The following PPM1L variants were observed in gnomAD, a reference collection of about 807,000 sequenced individuals.
PPM1L encodes protein phosphatase, Mg2+/Mn2+ dependent 1L.
A neutral mutation model predicts 31.4 loss-of-function variants in PPM1L; 13 were observed. The ratio of observed to expected loss-of-function variants is 0.41; its 90% CI spans 0.27 to 0.66. The LOEUF is 0.66. PPM1L is among the 30% of genes least tolerant of loss of function. The pLI is 0.29. For synonymous variants in PPM1L, 184 were observed against 175.4 expected (o/e 1.05, Z -0.39); for missense variants, 326 against 453.7 (o/e 0.72, Z 2.56).
At chr3:160,795,805 T>G (rs747132705) in intron 1 of PPM1L, among the ~76,000 whole-genome samples, 19 of 152,222 alleles carry the variant, frequency 1.2e-4, no homozygotes, top group Non-Finnish European at 2.4e-4. Flanking sequence ...CTTTTCACTT[T>G]TAGGAAGACT....
intron 2 of PPM1L, among the ~76,000 whole-genome samples, chr3:161,012,516 G>A (rs1717930435): frequency 6.6e-6 from 1 of 151,808 alleles, no homozygotes; most frequent in Non-Finnish European, 1.5e-5. Flanking sequence ...TTGGTATCAG[G>A]ATGATGCTGG....
chr3:160,991,470 T>C (rs1717133039), intron 2 of PPM1L, among the ~76,000 whole-genome samples: 1 of 152,194 alleles, frequency 6.6e-6, no homozygotes, highest in Admixed American at 6.5e-5. Flanking sequence ...GAAAGAAGAC[T>C]CTCAATTACA....
chr3:160,939,268 A>G lies in PPM1L; in HGVS notation c.400-22468A>G, dbSNP rs142523802. On this transcript the variant is annotated intron_variant, in intron 1 of 3. Transcript: ENST00000498165. ...ACATACTCTTCCCTCCAGCTCTATA[A>G]CTCTGCAGCTCTGTAGCCCAATTCT... is the stretch of plus-strand genomic sequence containing the variant. Among the ~76,000 whole-genome samples the G allele has an allele frequency of 9.9e-5, 15 of 151,852 alleles. No individual in the cohort carries two copies. The East Asian group carries it at 2.7e-3, about 27-fold the overall frequency.
intron 1 of PPM1L, among the ~76,000 whole-genome samples, chr3:160,889,022 T>G (rs903823454): frequency 1.3e-5 from 2 of 152,248 alleles, no homozygotes; most frequent in Non-Finnish European, 2.9e-5. Context: ...GGGAAATTTA[T>G]AGCACTAAAT....
At chr3:161,022,900 A>G (rs4679671) in intron 2 of PPM1L, among the ~76,000 whole-genome samples, 85,236 of 151,778 alleles carry the variant, frequency 0.56, 24,954 homozygotes, top group East Asian at 0.92. Flanking sequence ...TCCTGACCTC[A>G]TGATCCGCCT....
In PPM1L at chr3:161,070,794, C is replaced by G. The variant is rs1488387350; in HGVS notation, c.*1637C>G. On this transcript the variant is annotated 3_prime_UTR_variant, in exon 4 of 4. Transcript: ENST00000498165. ...TCCCCTCCTGCTGCTGTAGAGTTTT[C>G]CCAAAGCAGTGTCCAGGAGAGAATT... 1 of 152,150 alleles carries G rather than the reference C, an allele frequency of 6.6e-6. No homozygotes were observed. The highest frequency in any genetic ancestry group is 1.5e-5 in the Non-Finnish European group (1 of 68,054). The allele number at this position is 152,150 out of a possible 1,614,324, so 9.4% of individuals were successfully genotyped here. A position where few individuals can be genotyped will look rare whatever the true frequency, so the allele number is the denominator to read the frequency against.
intron 2 of PPM1L, among the ~76,000 whole-genome samples, chr3:160,976,945 A>C (rs890853911): frequency 3.3e-5 from 5 of 151,984 alleles, no homozygotes; most frequent in African/African-American, 1.2e-4. Flanking sequence ...TTGCTTTTCT[A>C]GTTCTTTTAA....
chr3:160,839,968 T>C (rs573344404), intron 1 of PPM1L, among the ~76,000 whole-genome samples: 18 of 152,306 alleles, frequency 1.2e-4, no homozygotes, highest in Admixed American at 8.5e-4. Context: ...ATACGGTTTA[T>C]AAAAGTCATG....
At chr3:161,011,940 A>G (rs1717908282) in intron 2 of PPM1L, among the ~76,000 whole-genome samples, 1 of 152,206 alleles carries the variant, frequency 6.6e-6, no homozygotes. Flanking sequence ...GGTTTTCTAA[A>G]TATACAATCA....
At chr3:160,757,722 T>C (rs1309803803) in intron 1 of PPM1L, among the ~76,000 whole-genome samples, 1 of 152,254 alleles carries the variant, frequency 6.6e-6, no homozygotes, top group African/African-American at 2.4e-5. Context: ...TGCATACTCT[T>C]TGTTTTCCCT....
intron 2 of PPM1L, among the ~76,000 whole-genome samples, chr3:161,062,136 G>GT (rs1156979926): frequency 1.4e-5 from 2 of 144,346 alleles, no homozygotes; most frequent in African/African-American, 2.6e-5. Context: ...GTCTCTTTTA[G>GT]TGGGGGGGGA....
rs201919574 is a variant in PPM1L at position 160,980,073 on chromosome 3, G to GA, written c.574+18171dup. Among the ~76,000 whole-genome samples, 294 of 151,792 alleles carry GA rather than the reference G, an allele frequency of 1.9e-3. 1 individual carries two copies. The highest frequency in any genetic ancestry group is 6.5e-3 in the African/African-American group (268 of 41,438). ...TTCCAGGGTAGGGCTGGCCTTATTG[G>GA]AAAAAAAATAAAAATTCATCTGAAA... On this transcript the variant is annotated intron_variant, in intron 2 of 3. Transcript: ENST00000498165.
chr3:160,847,518 T>C (rs1714118774), intron 1 of PPM1L, among the ~76,000 whole-genome samples: 1 of 152,194 alleles, frequency 6.6e-6, no homozygotes, highest in Non-Finnish European at 1.5e-5. Flanking sequence ...AATTGTGATC[T>C]CAACTGGTAA....
At chr3:160,887,284 A>G (rs1712948436) in intron 1 of PPM1L, among the ~76,000 whole-genome samples, 1 of 152,136 alleles carries the variant, frequency 6.6e-6, no homozygotes, top group South Asian at 2.1e-4. Flanking sequence ...TGGAAAACAC[A>G]CTTCAGGATA....
At chr3:160,820,516 T>A (rs1713162769) in intron 1 of PPM1L, among the ~76,000 whole-genome samples, 1 of 152,082 alleles carries the variant, frequency 6.6e-6, no homozygotes, top group Non-Finnish European at 1.5e-5. Context: ...GCCCCAGTAG[T>A]AACTCTGCTG....
At chr3:160,932,597 G>GC (rs1379287161) in intron 1 of PPM1L, among the ~76,000 whole-genome samples, 1 of 152,042 alleles carries the variant, frequency 6.6e-6, no homozygotes, top group Non-Finnish European at 1.5e-5. Flanking sequence ...GATTATTATT[G>GC]CCATTTGTCT....
chr3:160,978,994 A>T (rs1219145015), intron 2 of PPM1L, among the ~76,000 whole-genome samples: 1 of 152,066 alleles, frequency 6.6e-6, no homozygotes, highest in South Asian at 2.1e-4. Context: ...TTGAACATGT[A>T]GAATATCGAG....
chr3:160,834,780 G>A (rs888196967), intron 1 of PPM1L, among the ~76,000 whole-genome samples: 7 of 151,938 alleles, frequency 4.6e-5, no homozygotes, highest in Admixed American at 2.0e-4. Flanking sequence ...TTTCATTTCC[G>A]TGTAGTATTC....
rs145662495 is a variant in PPM1L at position 160,824,787 on chromosome 3, A to G, written c.399+68080A>G. 2.6e-3 allele frequency among the ~76,000 whole-genome samples: 389 copies of G among 152,294 alleles called. 1 individual carries two copies. The highest frequency in any genetic ancestry group is 9.0e-3 in the African/African-American group (374 of 41,582). ...CAGGAGATGGTTCTATTTTAGTATT[A>G]TGAGACTAATTTTTTTTAAAACTGT... On this transcript the variant is annotated intron_variant, in intron 1 of 3. Coordinates refer to ENST00000498165, the MANE Select transcript of PPM1L (RefSeq NM_139245.4).
Sources: gnomAD v4.1 joint callset for allele counts (sites outside exome capture counted in the v4.1 genomes callset) on GRCh38, gnomAD v4.1.1 for gene constraint, MANE v1.5 for transcripts, NCBI Gene and HGNC (gene_info 2026-07-23, HGNC 2026-07-21) for gene names.